The following CNPY1 variants were observed in gnomAD, a reference collection of about 807,000 sequenced individuals.
CNPY1 encodes canopy FGF signaling regulator 1.
In CNPY1, 14 loss-of-function variants were observed where a neutral mutation model predicts 14.4. The ratio of observed to expected loss-of-function variants is 0.97; its 90% CI spans 0.64 to 1.52. The LOEUF (loss-of-function observed/expected upper bound fraction) is 1.52. Among genes scored for constraint, CNPY1 ranks in the 40% most tolerant of loss-of-function variants. The pLI is 0.00. For synonymous variants in CNPY1, 43 were observed against 46.5 expected (o/e 0.92, Z 0.31); for missense variants, 129 against 131.5 (o/e 0.98, Z 0.09).
intron 2 of CNPY1, among the ~76,000 whole-genome samples, chr7:155,532,474 A>T (rs894993036): frequency 6.8e-6 from 1 of 146,126 alleles, no homozygotes; most frequent in African/African-American, 2.7e-5. Context: ...ACAAAAAATT[A>T]GCCGGGCACG....
At chr7:155,519,415 G>T (rs1293640667) in intron 2 of CNPY1, among the ~76,000 whole-genome samples, 1 of 152,002 alleles carries the variant, frequency 6.6e-6, no homozygotes, top group East Asian at 1.9e-4. Flanking sequence ...CAGCTACTTG[G>T]GAGGCTGAAG....
chr7:155,537,560 G>A (rs1797038252), intron 2 of CNPY1, among the ~76,000 whole-genome samples: 1 of 151,866 alleles, frequency 6.6e-6, no homozygotes, highest in Non-Finnish European at 1.5e-5. Flanking sequence ...AGTAGCTGGG[G>A]CTACAGGAAT....
chr7:155,533,586 G>A (rs34356436), intron 2 of CNPY1, among the ~76,000 whole-genome samples: 12,602 of 152,194 alleles, frequency 0.083, 631 homozygotes, highest in Non-Finnish European at 0.12. Flanking sequence ...GCTTCGCTCC[G>A]TCCCGGTCCG....
At chr7:155,522,279 C>T (rs2116718669) in intron 2 of CNPY1, among the ~76,000 whole-genome samples, 1 of 152,374 alleles carries the variant, frequency 6.6e-6, no homozygotes, top group East Asian at 1.9e-4. Context: ...GGCCAAGAAA[C>T]CGAGGCCCTG....
At chr7:155,528,146 G>T (rs1305508561) in intron 2 of CNPY1, among the ~76,000 whole-genome samples, 1 of 152,190 alleles carries the variant, frequency 6.6e-6, no homozygotes. Flanking sequence ...TTTTCAGAAA[G>T]TTCAGGAAAA....
intron 2 of CNPY1, among the ~76,000 whole-genome samples, chr7:155,528,268 A>G (rs1346976757): frequency 2.6e-5 from 4 of 152,232 alleles, no homozygotes; most frequent in African/African-American, 9.6e-5. Context: ...CCAGAGCCTT[A>G]TCCTCGCCAG....
intron 2 of CNPY1, among the ~76,000 whole-genome samples, chr7:155,519,605 A>G (rs1796681435): frequency 6.6e-6 from 1 of 151,602 alleles, no homozygotes; most frequent in Admixed American, 6.6e-5. Context: ...TAAAGAACAG[A>G]TTGAATCCAA....
chr7:155,542,707 GT>G (rs1401012868), intron 2 of CNPY1, among the ~76,000 whole-genome samples: 3 of 152,200 alleles, frequency 2.0e-5, no homozygotes, highest in Non-Finnish European at 4.4e-5. Context: ...GCCCTCCTCT[GT>G]GTCTGTCCCA....
chr7:155,544,043 C>A (rs1797131245), intron 2 of CNPY1, among the ~76,000 whole-genome samples: 1 of 152,212 alleles, frequency 6.6e-6, no homozygotes, highest in South Asian at 2.1e-4. Flanking sequence ...TCCAGGCAAA[C>A]TTAATTCCAT....
At chr7:155,507,766 T>C (rs1796378389) in intron 3 of CNPY1, among the ~76,000 whole-genome samples, 1 of 152,212 alleles carries the variant, frequency 6.6e-6, no homozygotes, top group Non-Finnish European at 1.5e-5. Flanking sequence ...CACCCCTGCA[T>C]TTGAAAATCT....
chr7:155,507,542 GA>G, intron 3 of CNPY1, among the ~76,000 whole-genome samples: 1 of 138,550 alleles, frequency 7.2e-6, no homozygotes, highest in Non-Finnish European at 1.5e-5. Context: ...GTTTCCTTGT[GA>G]TTTAACATAA....
chr7:155,515,740 C>G (rs1368295863), intron 2 of CNPY1, among the ~76,000 whole-genome samples: 1 of 152,130 alleles, frequency 6.6e-6, no homozygotes, highest in African/African-American at 2.4e-5. Flanking sequence ...AATGAGGCTT[C>G]TCTGCAGCAG....
chr7:155,515,128 A>G (rs1470946433), intron 2 of CNPY1, among the ~76,000 whole-genome samples: 1 of 152,150 alleles, frequency 6.6e-6, no homozygotes, highest in Admixed American at 6.5e-5. Context: ...CAAGCAAACC[A>G]GAAAACATTG....
chr7:155,523,225 A>T (rs1156618060), intron 2 of CNPY1, among the ~76,000 whole-genome samples: 1 of 152,226 alleles, frequency 6.6e-6, no homozygotes, highest in Non-Finnish European at 1.5e-5. Context: ...ATCTAATACC[A>T]GGCTTGGGAA....
intron 2 of CNPY1, among the ~76,000 whole-genome samples, chr7:155,529,128 G>C (rs367617576): frequency 9.2e-5 from 14 of 152,246 alleles, no homozygotes; most frequent in African/African-American, 3.4e-4. Context: ...CGAACCTGGA[G>C]GTTCCGAAGA....
At chr7:155,514,511 G>A (rs1006279824) in intron 2 of CNPY1, among the ~76,000 whole-genome samples, 6 of 152,160 alleles carry the variant, frequency 3.9e-5, no homozygotes, top group Non-Finnish European at 5.9e-5. Flanking sequence ...CTAGAAGAGC[G>A]GAAAAGTCCT....
chr7:155,533,811 C>T (rs2116747135), intron 2 of CNPY1: 1 of 152,350 alleles, frequency 6.6e-6, no homozygotes, highest in South Asian at 2.1e-4. Flanking sequence ...ACGGGACAAA[C>T]TCTCAGCGGC....
At chr7:155,540,416 A>T (rs1312899134) in intron 2 of CNPY1, among the ~76,000 whole-genome samples, 2 of 152,244 alleles carry the variant, frequency 1.3e-5, no homozygotes, top group Non-Finnish European at 2.9e-5. Flanking sequence ...AAATTAAGTG[A>T]GTCACTAAAG....
At chr7:155,530,161 C>T (rs937328155) in intron 2 of CNPY1, among the ~76,000 whole-genome samples, 3 of 152,112 alleles carry the variant, frequency 2.0e-5, no homozygotes, top group South Asian at 2.1e-4. Flanking sequence ...ATTTGGGGCA[C>T]GGTTCCACAA....
Sources: gnomAD v4.1 joint callset for allele counts (sites outside exome capture counted in the v4.1 genomes callset) on GRCh38, gnomAD v4.1.1 for gene constraint, MANE v1.5 for transcripts, NCBI Gene and HGNC (gene_info 2026-07-23, HGNC 2026-07-21) for gene names.